The following USF3 variants were observed in gnomAD, a reference collection of about 807,000 sequenced individuals.
USF3 encodes upstream transcription factor family member 3, also known as basic helix-loop-helix domain-containing protein USF3.
USF3 carries 29 observed loss-of-function variants against 157.5 expected under a neutral mutation model. That is an observed-to-expected ratio of 0.18 (90% confidence interval 0.14 to 0.25). The LOEUF (loss-of-function observed/expected upper bound fraction) is 0.25. USF3 is among the 10% of genes least tolerant of loss of function. The pLI is 1.00. For synonymous variants in USF3, 893 were observed against 941.4 expected (o/e 0.95, Z 0.94); for missense variants, 2,381 against 2,667.6 (o/e 0.89, Z 2.37).
Position 113,660,893 on chromosome 3 carries a change from A to T in USF3, c.789T>A (p.Ser263=), listed in dbSNP as rs770616927. The T allele has an allele frequency of 6.2e-7, 1 of 1,614,222 alleles. No homozygotes were observed. The highest frequency in any genetic ancestry group is 8.5e-7 in the Non-Finnish European group (1 of 1,180,024). The change falls in exon 7 of 7, where the codon TCT becomes TCA. Residue 263 remains serine, a synonymous_variant. Coordinates refer to ENST00000316407, the MANE Select transcript of USF3 (RefSeq NM_001009899.4). The part of the protein sequence containing the change: ...SGSLIAVSIE[S]EPHQHHSLHT... ...GCAAAGAATGATGTTGGTGAGGCTC[A>T]GATTCAATTGAAACAGCAATCAGTG...
At chr3:113,695,673 T>A (rs559269263) in intron 1 of USF3, among the ~76,000 whole-genome samples, 3 of 152,184 alleles carry the variant, frequency 2.0e-5, no homozygotes, top group Non-Finnish European at 4.4e-5. Flanking sequence ...AAGGACCATA[T>A]CCCAATGTAA....
chr3:113,672,048 G>A (rs1577041809), intron 4 of USF3, among the ~76,000 whole-genome samples: 1 of 151,674 alleles, frequency 6.6e-6, no homozygotes, highest in African/African-American at 2.4e-5. Flanking sequence ...TAGAATTACA[G>A]GCATGAGCCA....
chr3:113,677,055 A>T (rs1707297858), intron 2 of USF3, among the ~76,000 whole-genome samples: 1 of 152,168 alleles, frequency 6.6e-6, no homozygotes, highest in Non-Finnish European at 1.5e-5. Flanking sequence ...AAATAAGTAG[A>T]CATGAATGCA....
At chr3:113,684,453 C>T (rs1707503557) in intron 1 of USF3, among the ~76,000 whole-genome samples, 1 of 152,158 alleles carries the variant, frequency 6.6e-6, no homozygotes, top group South Asian at 2.1e-4. Context: ...CTACCTCAAT[C>T]TCTCTCTCCA....
chr3:113,676,935 A>G (rs1707295751), intron 2 of USF3, among the ~76,000 whole-genome samples: 1 of 152,236 alleles, frequency 6.6e-6, no homozygotes, highest in Non-Finnish European at 1.5e-5. Flanking sequence ...GGTACAGCAC[A>G]AGACCACGTT....
chr3:113,669,829 G>GA (rs1381313912), intron 5 of USF3, among the ~76,000 whole-genome samples: 1 of 152,148 alleles, frequency 6.6e-6, no homozygotes, highest in East Asian at 1.9e-4. Context: ...AAAACAAAAT[G>GA]AAAAAATGCC....
At position 113,657,523 on chromosome 3, in the gene USF3, C is replaced by T; in HGVS notation, c.4159G>A (p.Val1387Met). 1.2e-6 allele frequency: 2 copies of T among 1,614,076 alleles called. No homozygotes were observed. The highest frequency in any genetic ancestry group is 1.7e-6 in the Non-Finnish European group (2 of 1,180,018). Residue 1387 changes from valine (V) to methionine (M), a missense_variant, in exon 7 of 7, where the codon GTG (valine) becomes ATG (methionine). By Grantham distance (21) the Val-to-Met change is conservative. Coordinates refer to ENST00000316407, the MANE Select transcript of USF3 (RefSeq NM_001009899.4). ...QIPPNSSNSV[V>M]PVSNPAHGDG... ...CCATGAGCTGGGTTGCTAACAGGCA[C>T]AACTGAGTTTGAAGAATTAGGAGGG...
Position 113,660,564 on chromosome 3 carries a change from G to T in USF3, c.1118C>A (p.Ala373Glu). The change falls in exon 7 of 7, where the codon GCA (alanine) becomes GAA (glutamate). Residue 373 changes from alanine to glutamate, a missense_variant. Physicochemically the swap from Ala to Glu is moderately radical, Grantham distance 107 (BLOSUM62 -1). Around this residue, in one of 6 missense-constraint regions of USF3, gnomAD observed 1,435 missense variants for 1,550.9 expected, o/e 0.93. Transcript: ENST00000316407. ...ADLTSTATVV[A>E]SSAPGVGKAT... The stretch of plus-strand genomic sequence containing the variant: ...CTTCCCTACTCCAGGGGCAGATGAT[G>T]CCACCACTGTAGCTGTACTTGTCAA... The T allele has an allele frequency of 6.2e-7, 1 of 1,614,172 alleles. No homozygotes were observed. The highest frequency in any genetic ancestry group is 8.5e-7 in the Non-Finnish European group (1 of 1,180,024).
Position 113,661,020 on chromosome 3 carries a change from T to C in USF3, c.662A>G (p.Gln221Arg). ...QTTVPALATNQPVPLCLPAAI... is the reference protein window; with the variant it reads ...QTTVPALATNRPVPLCLPAAI... ...AGCAGGAAGACAAAGAGGAACAGGC[T>C]GGTTGGTAGCCAATGCAGGAACTGT... Residue 221 changes from glutamine (Q) to arginine (R), a missense_variant, in exon 7 of 7, where the codon CAG (glutamine) becomes CGG (arginine). Physicochemically the swap from Gln to Arg is conservative, Grantham distance 43 (BLOSUM62 1). Transcript: ENST00000316407. The C allele has an allele frequency of 1.2e-6, 2 of 1,614,148 alleles. No individual in the cohort carries two copies. Among genetic ancestry groups the C allele is most frequent in the Non-Finnish European group, 1.7e-6 (2 of 1,180,014 alleles).
rs747809328 is a variant in USF3, at chr3:113,660,186, G to C, written c.1496C>G (p.Pro499Arg). ...CTGCATAGGTAAAGATGGACAAGAA[G>C]GCAATGTTACAACTACTTGCTCAAC... Reference protein sequence around the residue: ...QPVEQVVVTLPSCPSLPMQPL... With the variant: ...QPVEQVVVTLRSCPSLPMQPL... Residue 499 changes from proline to arginine, a missense_variant, in exon 7 of 7, where the codon CCT becomes CGT. By Grantham distance (103) the Pro-to-Arg change is moderately radical. Transcript: ENST00000316407. The C allele has an allele frequency of 1.2e-6, 2 of 1,614,172 alleles. No individual in the cohort carries two copies. Among genetic ancestry groups the C allele is most frequent in the Non-Finnish European group, 1.7e-6 (2 of 1,180,034 alleles).
chr3:113,684,256 T>C (rs913409106), intron 1 of USF3, among the ~76,000 whole-genome samples: 1 of 152,212 alleles, frequency 6.6e-6, no homozygotes, highest in Non-Finnish European at 1.5e-5. Context: ...TCATTTTTTT[T>C]CTTTTCCTTG....
At position 113,659,187 on chromosome 3, in the gene USF3, G is replaced by C; in HGVS notation, c.2495C>G (p.Ala832Gly). The change falls in exon 7 of 7, where the codon GCA (alanine) becomes GGA (glycine). Residue 832 changes from alanine to glycine, a missense_variant. Physicochemically the swap from Ala to Gly is moderately conservative, Grantham distance 60. Coordinates refer to ENST00000316407, the MANE Select transcript of USF3 (RefSeq NM_001009899.4). ...CAGTCCATCATTACAGGGTGGCTCT[G>C]CTGAGCCTTCAGTGTTGGGGCAGTC... ...KLDCPNTEGSAEPPCNDGLLE... is the reference protein window; with the variant it reads ...KLDCPNTEGSGEPPCNDGLLE... 6.2e-7 allele frequency: 1 copy of C among 1,614,198 alleles called. No homozygotes were observed. Among genetic ancestry groups the C allele is most frequent in the Non-Finnish European group, 8.5e-7 (1 of 1,180,026 alleles).
At chr3:113,669,874 A>G (rs1366633462) in intron 5 of USF3, among the ~76,000 whole-genome samples, 1 of 152,240 alleles carries the variant, frequency 6.6e-6, no homozygotes, top group Admixed American at 6.5e-5. Context: ...AAACATAGTC[A>G]TGTGATTAAT....
intron 1 of USF3, among the ~76,000 whole-genome samples, chr3:113,691,469 T>G (rs1707682134): frequency 6.6e-6 from 1 of 152,242 alleles, no homozygotes; most frequent in Non-Finnish European, 1.5e-5. Flanking sequence ...ATCTGTTGTT[T>G]TGGCCTTCTG....
rs535024106 is a variant in USF3, at chr3:113,654,035, C to A, written c.*909G>T. 4 of 152,218 alleles carry A rather than the reference C, an allele frequency of 2.6e-5. No individual in the cohort carries two copies. The East Asian group carries it at 5.8e-4, about 22-fold the overall frequency. The allele number at this position is 152,218 out of a possible 1,614,324, so 9.4% of individuals were successfully genotyped here. A position where few individuals can be genotyped will look rare whatever the true frequency, so the allele number is the denominator to read the frequency against. ...ATCAATCCTAATATTTAAATGAATGCAAAAGAATTTATTTCAAGACCAAAT... is the reference window on the plus strand; with the variant it reads ...ATCAATCCTAATATTTAAATGAATGAAAAAGAATTTATTTCAAGACCAAAT... On this transcript the variant is annotated 3_prime_UTR_variant, in exon 7 of 7. Coordinates refer to ENST00000316407, the MANE Select transcript of USF3 (RefSeq NM_001009899.4).
At chr3:113,686,937 CTTTA>C (rs1472923157) in intron 1 of USF3, among the ~76,000 whole-genome samples, 2 of 151,728 alleles carry the variant, frequency 1.3e-5, no homozygotes, top group African/African-American at 4.8e-5. Context: ...CCTTTTTGTT[CTTTA>C]TATTTTGGAA....
rs1303653076 is a variant in USF3, at chr3:113,653,622, A to C, written c.*1322T>G. On this transcript the variant is annotated 3_prime_UTR_variant, in exon 7 of 7. Transcript: ENST00000316407. Reference sequence around the variant, plus strand: ...CATCTATTAAAAAAAAAAAAAAAAAAAAAACCCTACCTATATCAAGTTCTT... The same window carrying C: ...CATCTATTAAAAAAAAAAAAAAAAACAAAACCCTACCTATATCAAGTTCTT... The C allele has an allele frequency of 2.0e-5, 3 of 151,960 alleles. No individual in the cohort carries two copies. The highest frequency in any genetic ancestry group is 1.9e-4 in the East Asian group (1 of 5,170). The allele number at this position is 151,960 out of a possible 1,614,324, so 9.4% of individuals were successfully genotyped here. A position where few individuals can be genotyped will look rare whatever the true frequency, so the allele number is the denominator to read the frequency against.
rs367895823 is a variant in USF3, at chr3:113,657,867, G to A, written c.3815C>T (p.Thr1272Met). ...GCTAGATGAAACGGTCAGATTAACC[G>A]TTGCAGGCACAGTTGTTTGCTCTGA... The part of the protein sequence containing the change: ...PTSEQTTVPA[T>M]VNLTVSSSSY... Residue 1272 changes from threonine to methionine, a missense_variant, in exon 7 of 7, where the codon ACG becomes ATG. Around this residue, in one of 6 missense-constraint regions of USF3, gnomAD observed 1,435 missense variants for 1,550.9 expected, o/e 0.93. Coordinates refer to ENST00000316407, the MANE Select transcript of USF3 (RefSeq NM_001009899.4). 67 of 1,614,204 alleles carry A rather than the reference G, an allele frequency of 4.2e-5. No individual in the cohort carries two copies. In the East Asian group the frequency reaches 4.5e-4, roughly 11 times the overall value.
At position 113,658,657 on chromosome 3, in the gene USF3, A is replaced by G. The variant is rs1308530966; in HGVS notation, c.3025T>C (p.Ser1009Pro). 3 of 1,613,900 alleles carry G rather than the reference A, an allele frequency of 1.9e-6. No homozygotes were observed. Among genetic ancestry groups the G allele is most frequent in the Non-Finnish European group, 2.5e-6 (3 of 1,179,992 alleles). Residue 1009 changes from serine to proline, a missense_variant, in exon 7 of 7, where the codon TCT (serine) becomes CCT (proline). Ser to Pro is a moderately conservative substitution (Grantham distance 74, BLOSUM62 -1). Transcript: ENST00000316407. ...GGGTTTTTTTTTTTAGCAAGATCAG[A>G]TAGCAATGTAGTTAAACCTTGCCCC... is the stretch of plus-strand genomic sequence containing the variant. ...LKGQGLTTLL[S>P]DLAKKKNPQK...
Sources: gnomAD v4.1 joint callset for allele counts (sites outside exome capture counted in the v4.1 genomes callset) on GRCh38, gnomAD v4.1.1 for gene constraint, gnomAD v4.1.1 regional missense constraint, MANE v1.5 for transcripts, NCBI Gene and HGNC (gene_info 2026-07-23, HGNC 2026-07-21) for gene names.